The following LINGO2 variants were observed in gnomAD, a reference collection of about 807,000 sequenced individuals.
LINGO2 encodes the protein leucine-rich repeat and immunoglobulin-like domain-containing nogo receptor-interacting protein 2.
LINGO2 carries 14 observed loss-of-function variants against 30.6 expected under a neutral mutation model. The observed-to-expected ratio is 0.46, with a 90% confidence interval of 0.30 to 0.72. The LOEUF (loss-of-function observed/expected upper bound fraction) is 0.72. Among genes scored for constraint, LINGO2 ranks in the 30% least tolerant of loss-of-function variants. The pLI is 0.07. For missense variants in LINGO2, 729 were observed against 751.7 expected, an observed-to-expected ratio of 0.97 and a Z score of 0.35; for synonymous variants, 317 against 288.5, an observed-to-expected ratio of 1.10 and a Z score of -1.00.
At chr9:27,978,630 CTG>C (rs916379426) in intron 5 of LINGO2, among the ~76,000 whole-genome samples, 2 of 152,010 alleles carry the variant, frequency 1.3e-5, no homozygotes, top group African/African-American at 4.8e-5. Flanking sequence ...CTATGCAAAA[CTG>C]TGAGAAATAA....
At chr9:28,426,231 C>CA (rs1488245521) in intron 2 of LINGO2, among the ~76,000 whole-genome samples, 1 of 152,002 alleles carries the variant, frequency 6.6e-6, no homozygotes, top group African/African-American at 2.4e-5. Flanking sequence ...ATAAATAGCA[C>CA]ATCCCCCTCC....
intron 1 of LINGO2, among the ~76,000 whole-genome samples, chr9:28,617,210 T>C (rs1332902001): frequency 1.3e-5 from 2 of 152,178 alleles, no homozygotes; most frequent in East Asian, 1.9e-4. Flanking sequence ...AGTTTCATGA[T>C]TATAGCATTA....
chr9:28,312,745 A>G (rs1824680783), intron 3 of LINGO2, among the ~76,000 whole-genome samples: 1 of 152,192 alleles, frequency 6.6e-6, no homozygotes, highest in Non-Finnish European at 1.5e-5. Context: ...AACATGAAAT[A>G]AAATCAGTAG....
At chr9:28,045,495 G>A (rs1165824509) in intron 4 of LINGO2, among the ~76,000 whole-genome samples, 2 of 152,188 alleles carry the variant, frequency 1.3e-5, no homozygotes, top group East Asian at 3.9e-4. Flanking sequence ...CAGGGGAAAA[G>A]TAGAACTCAG....
the LINGO2 span, among the ~76,000 whole-genome samples, chr9:28,781,041 T>A: frequency 6.6e-6 from 1 of 152,048 alleles, no homozygotes; most frequent in Non-Finnish European, 1.5e-5. Context: ...ATATACAGAG[T>A]CATAATGTCT....
chr9:29,010,413 A>T, the LINGO2 span, among the ~76,000 whole-genome samples: 1 of 152,182 alleles, frequency 6.6e-6, no homozygotes, highest in African/African-American at 2.4e-5. Context: ...GCATTCAGAG[A>T]TCTGGATGAC....
intron 1 of LINGO2, among the ~76,000 whole-genome samples, chr9:28,624,333 A>G (rs1366937452): frequency 6.6e-6 from 1 of 151,760 alleles, no homozygotes; most frequent in East Asian, 1.9e-4. Context: ...TTTTTTTTAT[A>G]TTGGGGTGTG....
chr9:29,163,266 T>G, the LINGO2 span, among the ~76,000 whole-genome samples: 3 of 152,164 alleles, frequency 2.0e-5, no homozygotes, highest in African/African-American at 7.2e-5. Flanking sequence ...TGATGTATTA[T>G]TTTTCAACTG....
intron 3 of LINGO2, among the ~76,000 whole-genome samples, chr9:28,338,284 T>C (rs2134376349): frequency 6.6e-6 from 1 of 152,308 alleles, no homozygotes; most frequent in Middle Eastern, 3.4e-3. Context: ...TTGGCCAATT[T>C]CTCCCATTTG....
chr9:29,204,105 G>C, the LINGO2 span, among the ~76,000 whole-genome samples: 8 of 152,248 alleles, frequency 5.3e-5, no homozygotes, highest in African/African-American at 1.7e-4. Flanking sequence ...TTCAAAGTAA[G>C]AAAAGAGTAT....
the LINGO2 span, among the ~76,000 whole-genome samples, chr9:28,714,124 A>G: frequency 6.7e-6 from 1 of 149,744 alleles, no homozygotes; most frequent in African/African-American, 2.4e-5. Flanking sequence ...CTGCCACTGC[A>G]CTACAGCCTG....
the LINGO2 span, among the ~76,000 whole-genome samples, chr9:29,188,784 G>T: frequency 2.7e-5 from 4 of 145,770 alleles, no homozygotes; most frequent in East Asian, 8.5e-4. Context: ...CGGCCGGGCA[G>T]AGGCGCCCCT....
At chr9:28,184,289 T>C (rs1051666329) in intron 4 of LINGO2, among the ~76,000 whole-genome samples, 1 of 152,152 alleles carries the variant, frequency 6.6e-6, no homozygotes, top group Non-Finnish European at 1.5e-5. Flanking sequence ...TTTCGTTTCT[T>C]TTGAAAATAA....
chr9:28,672,803 G>C (rs1829072392), upstream of LINGO2, among the ~76,000 whole-genome samples: 1 of 152,096 alleles, frequency 6.6e-6, no homozygotes, highest in South Asian at 2.1e-4. Flanking sequence ...TTATAGATCA[G>C]ATACATGATA....
intron 1 of LINGO2, among the ~76,000 whole-genome samples, chr9:28,600,694 G>C (rs965592690): frequency 2.0e-5 from 3 of 152,034 alleles, no homozygotes; most frequent in African/African-American, 7.2e-5. Flanking sequence ...TTCAAACGAA[G>C]CATTTTTAAT....
At chr9:28,519,504 T>A (rs1420177276) in intron 1 of LINGO2, among the ~76,000 whole-genome samples, 1 of 152,200 alleles carries the variant, frequency 6.6e-6, no homozygotes, top group African/African-American at 2.4e-5. Flanking sequence ...TATAGAACAT[T>A]TTGTACTCTG....
chr9:28,514,930 C>G (rs1235922046), intron 1 of LINGO2, among the ~76,000 whole-genome samples: 1 of 81,066 alleles, frequency 1.2e-5, no homozygotes, highest in Non-Finnish European at 2.8e-5. Flanking sequence ...TGCCTATGCT[C>G]TATTTAAAAA....
At chr9:28,686,019 G>C in the LINGO2 span, among the ~76,000 whole-genome samples, 1 of 151,644 alleles carries the variant, frequency 6.6e-6, no homozygotes, top group African/African-American at 2.4e-5. Context: ...ACAAGTGAGA[G>C]AGAGAATCAA....
chr9:28,525,763 C>T (rs547454765), intron 1 of LINGO2, among the ~76,000 whole-genome samples: 242 of 151,776 alleles, frequency 1.6e-3, no homozygotes, highest in Middle Eastern at 0.01. Flanking sequence ...TTTTTTAAAA[C>T]GCCATTGAAG....
Sources: allele counts gnomAD v4.1 joint callset (sites outside exome capture counted in the v4.1 genomes callset), GRCh38; gene constraint gnomAD v4.1.1; transcripts MANE v1.5; gene names NCBI Gene and HGNC (gene_info 2026-07-23, HGNC 2026-07-21).